The following MID1 variants were observed in gnomAD, a reference collection of about 807,000 sequenced individuals.
MID1 encodes the protein midline 1.
In MID1, 7 loss-of-function variants were observed where a neutral mutation model predicts 40.4. That is an observed-to-expected ratio of 0.17 (90% CI 0.10 to 0.33). The LOEUF (loss-of-function observed/expected upper bound fraction) is 0.33. MID1 is among the 10% of genes least tolerant of loss of function. The pLI, the probability that MID1 is intolerant of heterozygous loss-of-function variation, is 1.00. For synonymous variants in MID1, 229 were observed against 221.2 expected (o/e 1.04, Z -0.31); for missense variants, 367 against 558.5 (o/e 0.66, Z 3.46).
chrX:10,638,261 G>C (rs1936143622), intron 1 of MID1, among the ~76,000 whole-genome samples: 1 of 111,854 alleles, frequency 8.9e-6, no homozygotes, highest in South Asian at 3.7e-4. Flanking sequence ...CCTAGAAAAG[G>C]GAAGCCGTGA....
intron 1 of MID1, among the ~76,000 whole-genome samples, chrX:10,812,845 C>T (rs1032277093): frequency 5.4e-5 from 6 of 111,293 alleles, no homozygotes; most frequent in Non-Finnish European, 1.1e-4. Context: ...TTGGATTGAA[C>T]GTTCATCTAT....
At chrX:10,602,798 C>T (rs1935556237) in intron 1 of MID1, among the ~76,000 whole-genome samples, 1 of 112,225 alleles carries the variant, frequency 8.9e-6, no homozygotes, top group African/African-American at 3.2e-5. Flanking sequence ...TGTAAGGCAT[C>T]ATTCTGCCAC....
At chrX:10,509,346 G>A (rs1340780209) in intron 3 of MID1, among the ~76,000 whole-genome samples, 1 of 111,759 alleles carries the variant, frequency 8.9e-6, no homozygotes, top group Non-Finnish European at 1.9e-5. Flanking sequence ...CATCTTACAT[G>A]TGTGGAATTA....
chrX:10,575,324 A>G (rs1569112243), intron 1 of MID1, among the ~76,000 whole-genome samples: 1 of 112,092 alleles, frequency 8.9e-6, no homozygotes, highest in Non-Finnish European at 1.9e-5. Context: ...AGAGGACTCA[A>G]AACTACTGAA....
At chrX:10,691,966 G>T (rs2043134061) in intron 1 of MID1, among the ~76,000 whole-genome samples, 1 of 111,458 alleles carries the variant, frequency 9.0e-6, no homozygotes. Context: ...AATACACCCT[G>T]GTCTCCTGCA....
chrX:10,687,248 A>C (rs1466402065), intron 1 of MID1, among the ~76,000 whole-genome samples: 1 of 111,989 alleles, frequency 8.9e-6, no homozygotes, highest in East Asian at 2.8e-4. Context: ...AATTTTATCA[A>C]TAAAAGAGAC....
chrX:10,740,087 C>T (rs1225058133), intron 1 of MID1, among the ~76,000 whole-genome samples: 2 of 112,755 alleles, frequency 1.8e-5, no homozygotes, highest in African/African-American at 6.5e-5. Context: ...GTTCCCTTGG[C>T]ACATAAGTTA....
At chrX:10,545,394 T>C (rs781520686) in intron 2 of MID1, among the ~76,000 whole-genome samples, 1 of 112,420 alleles carries the variant, frequency 8.9e-6, no homozygotes, top group East Asian at 2.8e-4. Flanking sequence ...GGCCTTTCTT[T>C]CGTTAAGTGT....
intron 1 of MID1, among the ~76,000 whole-genome samples, chrX:10,573,709 C>G (rs1200827839): frequency 1.8e-5 from 2 of 112,292 alleles, no homozygotes; most frequent in Non-Finnish European, 3.8e-5. Flanking sequence ...TTCTGATGGT[C>G]TATGGTTCCT....
At chrX:10,602,250 A>C (rs1935543951) in intron 1 of MID1, among the ~76,000 whole-genome samples, 1 of 88,020 alleles carries the variant, frequency 1.1e-5, no homozygotes. Context: ...TTTTACCACC[A>C]ATGACCACTT....
At chrX:10,563,700 T>C (rs920824010) in intron 2 of MID1, among the ~76,000 whole-genome samples, 1 of 112,064 alleles carries the variant, frequency 8.9e-6, no homozygotes, top group Admixed American at 9.5e-5. Context: ...TCTCTTTGCT[T>C]CAATATTTCA....
At chrX:10,602,144 G>A (rs775160561) in intron 1 of MID1, among the ~76,000 whole-genome samples, 37 of 107,191 alleles carry the variant, frequency 3.5e-4, no homozygotes, top group Non-Finnish European at 5.9e-4. Flanking sequence ...TGATCCACCC[G>A]CCTCAGCCTC....
intron 3 of MID1, among the ~76,000 whole-genome samples, chrX:10,516,609 TGC>T (rs367713528): frequency 0.014 from 685 of 50,321 alleles, 8 homozygotes; most frequent in African/African-American, 0.047. Flanking sequence ...TGTGTGTGTG[TGC>T]GCGCGCGCAC....
chrX:10,579,051 T>C (rs1327553176), intron 1 of MID1, among the ~76,000 whole-genome samples: 1 of 112,247 alleles, frequency 8.9e-6, no homozygotes, highest in Non-Finnish European at 1.9e-5. Context: ...TTCAGAATTA[T>C]TTGAGACTGG....
chrX:10,504,419 A>G (rs1931719520), intron 3 of MID1, among the ~76,000 whole-genome samples: 1 of 111,298 alleles, frequency 9.0e-6, no homozygotes, highest in Non-Finnish European at 1.9e-5. Flanking sequence ...CCCTTGACAA[A>G]TGCTTGGCAT....
chrX:10,686,539 G>A (rs1277539341), intron 1 of MID1, among the ~76,000 whole-genome samples: 1 of 112,048 alleles, frequency 8.9e-6, no homozygotes, highest in Non-Finnish European at 1.9e-5. Context: ...CCTCTTGTCT[G>A]AAATTTTCAG....
chrX:10,632,406 C>G (rs995666028), intron 1 of MID1, among the ~76,000 whole-genome samples: 6 of 111,450 alleles, frequency 5.4e-5, no homozygotes, highest in Non-Finnish European at 9.4e-5. Context: ...TTAAAAGATA[C>G]GGGTGCCTGA....
chrX:10,747,734 T>C (rs1333956024), intron 1 of MID1, among the ~76,000 whole-genome samples: 1 of 112,267 alleles, frequency 8.9e-6, no homozygotes, highest in East Asian at 2.8e-4. Flanking sequence ...ATGGAAGTCT[T>C]CCTATCTCAT....
intron 2 of MID1, among the ~76,000 whole-genome samples, chrX:10,542,004 G>T (rs1377770493): frequency 1.8e-5 from 2 of 111,961 alleles, no homozygotes; most frequent in East Asian, 5.6e-4. Context: ...AACTTAGTGT[G>T]GACAGCGTTC....
Sources: allele counts gnomAD v4.1 joint callset (sites outside exome capture counted in the v4.1 genomes callset), GRCh38; gene constraint gnomAD v4.1.1; transcripts MANE v1.5; gene names NCBI Gene and HGNC (gene_info 2026-07-23, HGNC 2026-07-21).